The following CFAP47 variants were observed in gnomAD, a reference collection of about 807,000 sequenced individuals.
CFAP47 encodes the protein cilia and flagella associated protein 47.
Under a neutral mutation model 148.1 loss-of-function variants are expected in CFAP47, and 29 were observed. That is an observed-to-expected ratio of 0.20 (90% confidence interval 0.15 to 0.27). The LOEUF (loss-of-function observed/expected upper bound fraction) is 0.27. Ranked by LOEUF, CFAP47 falls within the 10% of genes least tolerant of loss-of-function variation. The probability of loss-of-function intolerance (pLI) is 1.00; values close to 1 mark genes in which losing one functional copy is unlikely to be tolerated. For missense variants in CFAP47, 1,872 were observed against 1,697.5 expected (o/e 1.10, Z -1.81); for synonymous variants, 664 against 577.3 (o/e 1.15, Z -2.15).
At chrX:36,307,175 G>A (rs1941357598) in intron 55 of CFAP47, among the ~76,000 whole-genome samples, 1 of 111,251 alleles carries the variant, frequency 9.0e-6, no homozygotes, top group Admixed American at 9.6e-5. Flanking sequence ...TCTGACTTGA[G>A]TTTTACTACT....
chrX:36,046,245 A>C (rs1005847848), intron 25 of CFAP47, among the ~76,000 whole-genome samples: 2 of 110,588 alleles, frequency 1.8e-5, no homozygotes, highest in Non-Finnish European at 3.8e-5. Flanking sequence ...AAAAATAATA[A>C]GTAGTAATTC....
At chrX:36,156,244 TATAAG>T (rs1939365153) in intron 37 of CFAP47, among the ~76,000 whole-genome samples, 1 of 110,877 alleles carries the variant, frequency 9.0e-6, no homozygotes, top group African/African-American at 3.3e-5. Flanking sequence ...ATTTTATCAT[TATAAG>T]ATATTATATA....
Position 36,177,296 on chromosome X carries a change from G to A in CFAP47, c.6027-2049G>A, listed in dbSNP as rs917877569. Among the ~76,000 whole-genome samples, 5 of 111,956 alleles carry A rather than the reference G, an allele frequency of 4.5e-5. No homozygotes were observed. In the East Asian group the frequency reaches 1.1e-3, roughly 25 times the overall value. On this transcript the variant is annotated intron_variant, in intron 39 of 63. Transcript: ENST00000378653. Reference sequence around the variant, plus strand: ...TGTATAAAAATATGATATTTATTACGTTGGGCTAGTCATTTTATTTGTGTG... The same window carrying A: ...TGTATAAAAATATGATATTTATTACATTGGGCTAGTCATTTTATTTGTGTG...
chrX:36,234,322 T>C (rs1460009077), intron 46 of CFAP47, among the ~76,000 whole-genome samples: 3 of 111,245 alleles, frequency 2.7e-5, no homozygotes, highest in Non-Finnish European at 5.7e-5. Context: ...TTCTTTTTAT[T>C]CTTTTTTCTC....
chrX:36,186,438 C>T (rs1342165858), intron 40 of CFAP47, among the ~76,000 whole-genome samples: 1 of 111,613 alleles, frequency 9.0e-6, no homozygotes, highest in African/African-American at 3.3e-5. Flanking sequence ...TTGAGAAACA[C>T]CTATGTATAT....
At chrX:36,320,046 G>A (rs953770661) in intron 57 of CFAP47, among the ~76,000 whole-genome samples, 1 of 110,817 alleles carries the variant, frequency 9.0e-6, no homozygotes, top group Admixed American at 9.6e-5. Context: ...GGCTAGTCTC[G>A]AACTCCTGAC....
chrX:36,302,326 G>A (rs1329285411), intron 53 of CFAP47, among the ~76,000 whole-genome samples: 1 of 110,325 alleles, frequency 9.1e-6, no homozygotes, highest in Non-Finnish European at 1.9e-5. Context: ...TCTTTTTAAG[G>A]TGAATCATTT....
At chrX:36,232,814 G>A (rs1171552398) in intron 46 of CFAP47, among the ~76,000 whole-genome samples, 2 of 111,743 alleles carry the variant, frequency 1.8e-5, no homozygotes, top group African/African-American at 3.3e-5. Flanking sequence ...GGTATGTTGT[G>A]TCTTTGTTCT....
intron 16 of CFAP47, chrX:35,990,273 A>G (rs1936773409): frequency 9.0e-6 from 1 of 111,644 alleles, no homozygotes; most frequent in Non-Finnish European, 1.9e-5. Context: ...ACCTATGACA[A>G]TAACAAATAA....
intron 27 of CFAP47, among the ~76,000 whole-genome samples, chrX:36,066,582 G>T (rs1041104585): frequency 9.0e-6 from 1 of 111,639 alleles, no homozygotes; most frequent in African/African-American, 3.3e-5. Context: ...TGGTCACAAA[G>T]CTGGGAGCCA....
At chrX:36,114,500 G>A (rs1045422982) in intron 33 of CFAP47, among the ~76,000 whole-genome samples, 1 of 111,706 alleles carries the variant, frequency 9.0e-6, no homozygotes, top group Non-Finnish European at 1.9e-5. Context: ...CTTTAGAGTG[G>A]CTCACCTTTG....
chrX:36,072,678 ATTACT>A (rs1325581839), intron 28 of CFAP47, among the ~76,000 whole-genome samples: 12 of 111,992 alleles, frequency 1.1e-4, no homozygotes, highest in Admixed American at 1.1e-3. Context: ...ATTCTTGAAA[ATTACT>A]TTAACTTGAA....
At chrX:36,061,339 G>A (rs1050372705) in intron 26 of CFAP47, among the ~76,000 whole-genome samples, 1 of 111,546 alleles carries the variant, frequency 9.0e-6, no homozygotes, top group African/African-American at 3.3e-5. Flanking sequence ...ATAGCAATAC[G>A]AGAATGAACT....
At chrX:36,233,156 G>T (rs184436582) in intron 46 of CFAP47, among the ~76,000 whole-genome samples, 7 of 111,347 alleles carry the variant, frequency 6.3e-5, no homozygotes, top group Non-Finnish European at 1.1e-4. Flanking sequence ...CTGAGTTCAA[G>T]TCCTGGATAT....
At chrX:36,369,447 T>C (rs1205254334) in intron 62 of CFAP47, among the ~76,000 whole-genome samples, 2 of 110,228 alleles carry the variant, frequency 1.8e-5, no homozygotes, top group South Asian at 3.8e-4. Flanking sequence ...TGGAGAGTGA[T>C]TTTTTTTAAA....
intron 57 of CFAP47, among the ~76,000 whole-genome samples, chrX:36,347,835 T>C (rs1014754649): frequency 9.0e-6 from 1 of 110,830 alleles, no homozygotes; most frequent in Non-Finnish European, 1.9e-5. Context: ...ATGTAAGTGA[T>C]GGGTTGATGG....
intron 18 of CFAP47, among the ~76,000 whole-genome samples, chrX:35,993,942 T>G (rs1936816849): frequency 8.9e-6 from 1 of 111,974 alleles, no homozygotes; most frequent in South Asian, 3.7e-4. Flanking sequence ...TTTACTGCTT[T>G]ATGTTCTCGG....
chrX:36,156,547 A>G (rs1463273731), intron 37 of CFAP47, among the ~76,000 whole-genome samples: 2 of 110,777 alleles, frequency 1.8e-5, no homozygotes, highest in African/African-American at 6.5e-5. Flanking sequence ...ACTGACATTG[A>G]TGTGTTGTAT....
chrX:36,303,192 T>C (rs1477436337), intron 53 of CFAP47, among the ~76,000 whole-genome samples: 1 of 111,507 alleles, frequency 9.0e-6, no homozygotes, highest in African/African-American at 3.3e-5. Context: ...TTCTTCTTTT[T>C]TTCTATGTTT....
Sources: allele counts gnomAD v4.1 joint callset (sites outside exome capture counted in the v4.1 genomes callset), GRCh38; gene constraint gnomAD v4.1.1; transcripts MANE v1.5; gene names NCBI Gene and HGNC (gene_info 2026-07-23, HGNC 2026-07-21).